The following OGG1 variants were observed in gnomAD, a reference collection of about 807,000 sequenced individuals.
The protein encoded by OGG1 is N-glycosylase/DNA lyase.
In OGG1, 35 loss-of-function variants were observed where a neutral mutation model predicts 42.3. That is an observed-to-expected ratio of 0.83 (90% CI 0.63 to 1.10). OGG1 has a LOEUF of 1.10. OGG1 is among the 50% of genes least tolerant of loss of function. The probability of loss-of-function intolerance (pLI) is 0.00; values close to 1 mark genes in which losing one functional copy is unlikely to be tolerated. For synonymous variants in OGG1, 189 were observed against 179.0 expected, an observed-to-expected ratio of 1.06 and a Z score of -0.44; for missense variants, 484 against 446.7, an observed-to-expected ratio of 1.08 and a Z score of -0.75.
chr3:9,752,458 G>A (rs1443711659), intron 3 of OGG1, among the ~76,000 whole-genome samples: 1 of 148,724 alleles, frequency 6.7e-6, no homozygotes, highest in Non-Finnish European at 1.5e-5. Context: ...TCAGCCAGGC[G>A]CAGTGGCTCA....
intron 3 of OGG1, chr3:9,787,249 G>T (rs780449985): frequency 1.3e-5 from 21 of 1,614,098 alleles, no homozygotes; most frequent in Non-Finnish European, 1.6e-5. Context: ...CTTCTTGTCA[G>T]CCACAGCCGC....
rs778842721 is a variant in OGG1, at chr3:9,757,106, C to T, written c.994C>T (p.Pro332Ser). 6.2e-7 allele frequency: 1 copy of T among 1,614,144 alleles called. No homozygotes were observed. Among genetic ancestry groups the T allele is most frequent in the Non-Finnish European group, 8.5e-7 (1 of 1,180,028 alleles). Reference protein sequence around the residue: ...DLRQSRHAQEPPAKRRKGSKG... With the variant: ...DLRQSRHAQESPAKRRKGSKG... ...GCGCCAATCCCGCCATGCTCAGGAG[C>T]CACCAGCAAAGCGCAGAAAGGGTTC... is the stretch of plus-strand genomic sequence containing the variant. The change falls in exon 7 of 7, where the codon CCA becomes TCA. Residue 332 changes from proline to serine, a missense_variant. Physicochemically the swap from Pro to Ser is moderately conservative, Grantham distance 74 (BLOSUM62 -1). Transcript: ENST00000344629. The surrounding 1 kb of genome is among the most constrained non-coding windows in gnomAD (Gnocchi z 4.5).
At chr3:9,774,959 A>ATT (rs201509950) in intron 2 of OGG1, among the ~76,000 whole-genome samples, 23 of 142,890 alleles carry the variant, frequency 1.6e-4, no homozygotes, top group Admixed American at 3.5e-4. Flanking sequence ...TGTTTGAGTA[A>ATT]TTTTTTTTTT....
chr3:9,762,901 C>A (rs1425689538), intron 7 of OGG1: 3 of 1,613,906 alleles, frequency 1.9e-6, no homozygotes, highest in Non-Finnish European at 2.5e-6. Context: ...CACCACACCC[C>A]CTTGAGCCCC....
rs890986209 is a variant in OGG1, at chr3:9,773,401, C to T, written c.295-8112C>T. ...CTAAAGATACAAAAAATTAGCCAGG[C>T]GTGGTGGCGGGCGCCTGTAGTCCCA... is the stretch of plus-strand genomic sequence containing the variant. On this transcript the variant is annotated intron_variant, in intron 2 of 3. Coordinates refer to the OGG1 transcript ENST00000426518. 3.3e-5 allele frequency among the ~76,000 whole-genome samples: 5 copies of T among 151,718 alleles called. No individual in the cohort carries two copies. The South Asian group carries it at 8.3e-4, about 25-fold the overall frequency.
chr3:9,755,465 C>G (rs375889881), intron 4 of OGG1, among the ~76,000 whole-genome samples: 1 of 136,416 alleles, frequency 7.3e-6, no homozygotes, highest in African/African-American at 2.7e-5. Context: ...AGGCATTTGT[C>G]TTTTTTTTTT....
chr3:9,767,722 A>T (rs767265769), downstream of OGG1: 3 of 1,613,874 alleles, frequency 1.9e-6, no homozygotes, highest in East Asian at 6.7e-5. Flanking sequence ...GCCTGCTTCC[A>T]CCTGGGGCCT....
chr3:9,786,190 C>T (rs954730362), intron 3 of OGG1, among the ~76,000 whole-genome samples: 1 of 152,156 alleles, frequency 6.6e-6, no homozygotes, highest in African/African-American at 2.4e-5. Context: ...CCGCCCGCCT[C>T]AGCCTCCCAA....
chr3:9,767,430 T>G (rs1382791437), downstream of OGG1, among the ~76,000 whole-genome samples: 2 of 152,234 alleles, frequency 1.3e-5, no homozygotes, highest in African/African-American at 2.4e-5. Flanking sequence ...ATGGACTGAC[T>G]GGCACCTTCA....
chr3:9,789,850 T>G, downstream of OGG1: 1 of 1,614,270 alleles, frequency 6.2e-7, no homozygotes, highest in South Asian at 1.1e-5. Context: ...CTGCCTTCCC[T>G]TCCAGTTTCT....
chr3:9,787,074 G>A, intron 3 of OGG1: 1 of 1,614,242 alleles, frequency 6.2e-7, no homozygotes, highest in Non-Finnish European at 8.5e-7. Context: ...GGCTGTTCAT[G>A]CTGGGCCTCA....
intron 2 of OGG1, among the ~76,000 whole-genome samples, chr3:9,775,906 C>G (rs1212758079): frequency 6.6e-6 from 1 of 152,204 alleles, no homozygotes; most frequent in African/African-American, 2.4e-5. Flanking sequence ...TCCCAAAGTG[C>G]TGGGATTACA....
downstream of OGG1, chr3:9,759,713 TG>T (rs775400164): frequency 5.6e-6 from 9 of 1,614,076 alleles, no homozygotes; most frequent in Non-Finnish European, 7.6e-6. Context: ...ATCTTTTCTC[TG>T]GGTCCTTCTC....
At chr3:9,786,597 C>G (rs890361826) in intron 3 of OGG1, among the ~76,000 whole-genome samples, 1 of 152,176 alleles carries the variant, frequency 6.6e-6, no homozygotes, top group South Asian at 2.1e-4. Flanking sequence ...TGTAACACAG[C>G]GTTAACCACT....
chr3:9,787,605 C>A, intron 3 of OGG1: 2 of 1,137,798 alleles, frequency 1.8e-6, no homozygotes, highest in Non-Finnish European at 2.4e-6. Context: ...AATACGTACA[C>A]AGATTGTCTC....
Position 9,756,453 on chromosome 3 carries a change from A to G in OGG1, c.748-18A>G, listed in dbSNP as rs781614863. On this transcript the variant is annotated intron_variant, in intron 4 of 6. Coordinates refer to ENST00000344629, the MANE Select transcript of OGG1 (RefSeq NM_002542.6). ...TGCTGCCCTTCTTCCACAAGGGCTCATTCTGTGTCTGTCAAAGGTGGCTGA... is the reference window on the plus strand; with the variant it reads ...TGCTGCCCTTCTTCCACAAGGGCTCGTTCTGTGTCTGTCAAAGGTGGCTGA... The G allele has an allele frequency of 2.6e-5, 42 of 1,613,992 alleles. No individual in the cohort carries two copies. In the East Asian group the frequency reaches 9.1e-4, roughly 35 times the overall value.
intron 4 of OGG1, 117 bp from the exon 5 acceptor site, chr3:9,756,354 T>C (rs2077559182): frequency 1.0e-6 from 1 of 998,584 alleles, no homozygotes; most frequent in Non-Finnish European, 1.6e-6. Flanking sequence ...TGATTGAGAA[T>C]ATAGAACAAC....
intron 7 of OGG1, chr3:9,762,939 A>G: frequency 1.2e-6 from 2 of 1,614,162 alleles, no homozygotes; most frequent in African/African-American, 2.7e-5. Flanking sequence ...TACAATGCCC[A>G]GGTCATGCAG....
chr3:9,750,525 A>C, intron 1 of OGG1, 102 bp downstream of exon 1: 4 of 1,528,328 alleles, frequency 2.6e-6, no homozygotes, highest in Non-Finnish European at 3.5e-6. Context: ...TGATGGAAGA[A>C]ACCCGGGGTA....
Sources: gnomAD v4.1 joint callset for allele counts (sites outside exome capture counted in the v4.1 genomes callset) on GRCh38, gnomAD v4.1.1 for gene constraint, Gnocchi (gnomAD v3.1) non-coding constraint, MANE v1.5 for transcripts, NCBI Gene and HGNC (gene_info 2026-07-23, HGNC 2026-07-21) for gene names.